FGGY: variants seen among roughly 807,000 people sequenced by gnomAD.
FGGY encodes the protein FGGY carbohydrate kinase domain-containing protein.
In FGGY, 72 loss-of-function variants were observed where a neutral mutation model predicts 71.3. The ratio of observed to expected loss-of-function variants is 1.01; its 90% CI spans 0.84 to 1.23. FGGY has a LOEUF of 1.23. FGGY is among the 50% of genes most tolerant of loss of function. FGGY has a pLI of 0.00. For missense variants in FGGY, 668 were observed against 682.3 expected (o/e 0.98, Z 0.23); for synonymous variants, 251 against 250.3 (o/e 1.00, Z -0.02).
intron 11 of FGGY, among the ~76,000 whole-genome samples, chr1:59,656,558 C>T (rs2097219947): frequency 6.6e-6 from 1 of 152,110 alleles, no homozygotes; most frequent in African/African-American, 2.4e-5. Context: ...GATGAGATGT[C>T]AAGGAAACAA....
intron 5 of FGGY, among the ~76,000 whole-genome samples, chr1:59,408,410 T>C (rs585368): frequency 0.42 from 64,128 of 152,002 alleles, 15,043 homozygotes; most frequent in African/African-American, 0.63. Flanking sequence ...CTCAGACACC[T>C]TTTGCTGTTT....
intron 2 of FGGY, among the ~76,000 whole-genome samples, chr1:59,339,377 A>G (rs2050202881): frequency 6.6e-6 from 1 of 152,010 alleles, no homozygotes; most frequent in African/African-American, 2.4e-5. Flanking sequence ...GGAGGTGGGA[A>G]TCTTCTCATA....
intron 4 of FGGY, among the ~76,000 whole-genome samples, chr1:59,367,634 C>T (rs960264669): frequency 1.5e-4 from 23 of 152,298 alleles, no homozygotes; most frequent in Admixed American, 1.3e-3. Context: ...TCATGTTGCC[C>T]CTCGACCCTG....
intron 10 of FGGY, among the ~76,000 whole-genome samples, chr1:59,627,153 G>A (rs994096792): frequency 3.3e-5 from 5 of 151,914 alleles, no homozygotes; most frequent in African/African-American, 1.2e-4. Context: ...TACAAAGGGG[G>A]TTGGGAAAAG....
At chr1:59,757,141 G>T (rs994044340) in intron 14 of FGGY, among the ~76,000 whole-genome samples, 1 of 152,114 alleles carries the variant, frequency 6.6e-6, no homozygotes, top group Non-Finnish European at 1.5e-5. Context: ...TCGTGCTGTT[G>T]CTTGCAATCT....
intron 14 of FGGY, among the ~76,000 whole-genome samples, chr1:59,703,475 C>G (rs1468327133): frequency 6.6e-6 from 1 of 152,206 alleles, no homozygotes; most frequent in Non-Finnish European, 1.5e-5. Flanking sequence ...AATTGGAGCT[C>G]CAGTCTCACA....
intron 5 of FGGY, among the ~76,000 whole-genome samples, chr1:59,413,727 G>A (rs191405701): frequency 1.2e-3 from 177 of 152,324 alleles, no homozygotes; most frequent in Non-Finnish European, 2.2e-3. Context: ...TTGAGGGGCC[G>A]AGGTGTGCGG....
chr1:59,337,996 A>G (rs2049933824), intron 2 of FGGY, among the ~76,000 whole-genome samples: 1 of 152,154 alleles, frequency 6.6e-6, no homozygotes, highest in South Asian at 2.1e-4. Context: ...GTTTTTGTAG[A>G]TGCTCCTTAT....
chr1:59,660,134 A>T (rs2097260618), intron 11 of FGGY, 85 bp from the exon 12 acceptor site: 1 of 1,232,444 alleles, frequency 8.1e-7, no homozygotes, highest in Non-Finnish European at 1.2e-6. Flanking sequence ...AAGAAAACAC[A>T]TCTGAACGTA....
At chr1:59,720,869 G>T (rs1247940018) in intron 14 of FGGY, among the ~76,000 whole-genome samples, 3 of 152,118 alleles carry the variant, frequency 2.0e-5, no homozygotes, top group Non-Finnish European at 4.4e-5. Context: ...CTGGCCTGGT[G>T]CTCACTCCCT....
intron 5 of FGGY, among the ~76,000 whole-genome samples, chr1:59,435,481 G>A (rs1014652974): frequency 6.6e-6 from 1 of 152,102 alleles, no homozygotes; most frequent in South Asian, 2.1e-4. Flanking sequence ...CCTTCTGGAC[G>A]CTGCCTCTCT....
chr1:59,523,431 A>C (rs180865238), intron 7 of FGGY, among the ~76,000 whole-genome samples: 1 of 152,280 alleles, frequency 6.6e-6, no homozygotes, highest in Admixed American at 6.5e-5. Flanking sequence ...CTTCCTTATT[A>C]TCTCTCCACA....
chr1:59,638,155 G>C (rs903042841), intron 10 of FGGY, 73 bp from the exon 11 acceptor site: 1 of 1,456,690 alleles, frequency 6.9e-7, no homozygotes, highest in Non-Finnish European at 9.4e-7. Context: ...AAGTACAAAT[G>C]GTTTCTTTCT....
rs76371992 is a variant in FGGY, at chr1:59,719,428, G to A, written c.1513-38503G>A. Among the ~76,000 whole-genome samples, 333 of 152,164 alleles carry A rather than the reference G, an allele frequency of 2.2e-3. 7 individuals carry two copies. The East Asian group carries it at 0.053, about 24-fold the overall frequency. On this transcript the variant is annotated intron_variant, in intron 14 of 15. Coordinates refer to ENST00000303721, the MANE Select transcript of FGGY (RefSeq NM_018291.5). ...AACCTCGGTTTCTCATTTGTAAAAT[G>A]GAGCTAAAAAAGGCCCACATTACTA... is the stretch of plus-strand genomic sequence containing the variant.
intron 5 of FGGY, among the ~76,000 whole-genome samples, chr1:59,436,194 A>G (rs1265332008): frequency 2.0e-5 from 3 of 151,998 alleles, no homozygotes; most frequent in East Asian, 1.9e-4. Flanking sequence ...GCCCCTTTCT[A>G]TCTGCACTGA....
At chr1:59,654,165 C>T (rs886266532) in intron 11 of FGGY, among the ~76,000 whole-genome samples, 3 of 152,202 alleles carry the variant, frequency 2.0e-5, no homozygotes, top group African/African-American at 4.8e-5. Context: ...TTAGGCAATG[C>T]CAAGTGTTAG....
intron 2 of FGGY, among the ~76,000 whole-genome samples, chr1:59,336,531 G>T (rs576820332): frequency 8.5e-4 from 126 of 149,032 alleles, no homozygotes; most frequent in African/African-American, 3.0e-3. Flanking sequence ...GAAAGTGCAG[G>T]TTTGTTACAT....
intron 4 of FGGY, among the ~76,000 whole-genome samples, chr1:59,361,684 A>C (rs1439698655): frequency 6.6e-6 from 1 of 152,162 alleles, no homozygotes; most frequent in African/African-American, 2.4e-5. Context: ...CCCTAGCCAC[A>C]ATCAGAGAAA....
At chr1:59,601,406 TA>T (rs1478915540) in intron 8 of FGGY, among the ~76,000 whole-genome samples, 1 of 152,156 alleles carries the variant, frequency 6.6e-6, no homozygotes, top group Non-Finnish European at 1.5e-5. Flanking sequence ...TAGATGAAAC[TA>T]AGCCAATGGC....
Sources: gnomAD v4.1 joint callset for allele counts (sites outside exome capture counted in the v4.1 genomes callset) on GRCh38, gnomAD v4.1.1 for gene constraint, MANE v1.5 for transcripts, NCBI Gene and HGNC (gene_info 2026-07-23, HGNC 2026-07-21) for gene names.